The following RMDN1 variants were observed in gnomAD, a reference collection of about 807,000 sequenced individuals.
The protein encoded by RMDN1 is regulator of microtubule dynamics protein 1.
A neutral mutation model predicts 48.9 loss-of-function variants in RMDN1; 48 were observed. That is an observed-to-expected ratio of 0.98 (90% confidence interval 0.78 to 1.25). The LOEUF is 1.25. Ranked by LOEUF, RMDN1 falls within the 50% of genes most tolerant of loss-of-function variation. The pLI is 0.00. For synonymous variants in RMDN1, 148 were observed against 132.6 expected, an observed-to-expected ratio of 1.12 and a Z score of -0.80; for missense variants, 418 against 373.4, an observed-to-expected ratio of 1.12 and a Z score of -0.98.
In RMDN1 at chr8:86,508,661, G is replaced by T. The variant is rs1233205556; in HGVS notation, c.-41C>A. The stretch of plus-strand genomic sequence containing the variant: ...GGCTGACCCTGCACTACTTCAGGCA[G>T]CTACGGAGGCGGGCGGGGCTAAAGG... On this transcript the variant is annotated 5_prime_UTR_variant, in exon 1 of 10. In the 5' UTR this introduces an upstream ATG that the reference lacks. Transcript: ENST00000406452. 1 of 1,558,254 alleles carries T rather than the reference G, an allele frequency of 6.4e-7. No homozygotes were observed.
At chr8:86,484,537 G>C (rs1197873866) in intron 5 of RMDN1, among the ~76,000 whole-genome samples, 1 of 152,006 alleles carries the variant, frequency 6.6e-6, no homozygotes, top group East Asian at 1.9e-4. Flanking sequence ...GGCCAAAATG[G>C]TGAAACCACA....
At chr8:86,471,599 A>C (rs1220519305), downstream of RMDN1, among the ~76,000 whole-genome samples, 1 of 152,204 alleles carries the variant, frequency 6.6e-6, no homozygotes, top group Non-Finnish European at 1.5e-5. Flanking sequence ...CACATATCAG[A>C]TGTGAAGGCA....
intron 5 of RMDN1, among the ~76,000 whole-genome samples, chr8:86,483,702 A>T (rs1440058260): frequency 6.6e-6 from 1 of 152,200 alleles, no homozygotes; most frequent in Non-Finnish European, 1.5e-5. Flanking sequence ...AATTGACACT[A>T]AACCATAAAA....
chr8:86,475,519 TGAAAG>T (rs1305566303), intron 8 of RMDN1, among the ~76,000 whole-genome samples: 1 of 151,162 alleles, frequency 6.6e-6, no homozygotes, highest in Non-Finnish European at 1.5e-5. Flanking sequence ...AATATAAAAA[TGAAAG>T]GAATGCTTTA....
chr8:86,505,469 G>A, intron 2 of RMDN1: 1 of 414,960 alleles, frequency 2.4e-6, no homozygotes, highest in South Asian at 1.7e-5. Flanking sequence ...GTGGAAGGCA[G>A]ACGGGGTTTA....
intron 2 of RMDN1, among the ~76,000 whole-genome samples, chr8:86,501,426 A>C (rs1818196371): frequency 6.6e-6 from 1 of 152,164 alleles, no homozygotes; most frequent in Non-Finnish European, 1.5e-5. Context: ...TAATCTCAGC[A>C]CTTTGGGAGG....
chr8:86,494,832 G>C, intron 2 of RMDN1: 2 of 311,700 alleles, frequency 6.4e-6, no homozygotes, highest in Non-Finnish European at 6.3e-6. Flanking sequence ...AAATTACCTG[G>C]GCATCATGGC....
downstream of RMDN1, among the ~76,000 whole-genome samples, chr8:86,471,572 T>G (rs1812572329): frequency 6.6e-6 from 1 of 151,834 alleles, no homozygotes; most frequent in Non-Finnish European, 1.5e-5. Context: ...GGAAAAAAAT[T>G]CGGAGAAAAA....
intron 5 of RMDN1, chr8:86,481,710 G>A: frequency 1.8e-6 from 1 of 566,902 alleles, no homozygotes; most frequent in Non-Finnish European, 2.9e-6. Context: ...AATGGTCTCT[G>A]TCAGGCCAAG....
rs1395864488 is a variant in RMDN1 at position 86,508,566 on chromosome 8, G to C, written c.55C>G (p.Pro19Ala). 5 of 1,601,456 alleles carry C rather than the reference G, an allele frequency of 3.1e-6. No individual in the cohort carries two copies. In the Admixed American group the frequency reaches 8.5e-5, roughly 27 times the overall value. ...RLLPFRRGAAPGSRLPAGTSG... is the reference protein window; with the variant it reads ...RLLPFRRGAAAGSRLPAGTSG... ...GTCCCCGCAGGGAGACGAGACCCCG[G>C]GGCGGCTCCACGTCGGAAAGGCAGA... Residue 19 changes from proline to alanine, a missense_variant, in exon 1 of 10, where the codon CCG becomes GCG. Pro to Ala is a conservative substitution (Grantham distance 27). Coordinates refer to ENST00000406452, the MANE Select transcript of RMDN1 (RefSeq NM_016033.3).
downstream of RMDN1, among the ~76,000 whole-genome samples, chr8:86,471,650 A>G (rs1812581996): frequency 1.3e-5 from 2 of 152,344 alleles, no homozygotes; most frequent in African/African-American, 2.4e-5. Context: ...AACCAAATGT[A>G]AAATAAGGGA....
downstream of RMDN1, among the ~76,000 whole-genome samples, chr8:86,469,189 C>CG (rs1372106972): frequency 2.6e-5 from 4 of 151,368 alleles, no homozygotes; most frequent in South Asian, 2.1e-4. Flanking sequence ...TGTCCCGCCC[C>CG]CCCCATGTAC....
chr8:86,504,148 G>C, intron 2 of RMDN1: 1 of 1,337,030 alleles, frequency 7.5e-7, no homozygotes, highest in Non-Finnish European at 1.1e-6. Context: ...GGTATTATTG[G>C]GCTTTACCAT....
At chr8:86,477,244 C>T (rs1286978352) in intron 8 of RMDN1, 50 bp downstream of exon 8, 5 of 1,291,186 alleles carry the variant, frequency 3.9e-6, no homozygotes, top group Non-Finnish European at 5.4e-6. Context: ...ATATATTCAG[C>T]ATTCATACAA....
chr8:86,485,874 A>C (rs145920612), intron 4 of RMDN1, among the ~76,000 whole-genome samples: 2 of 152,346 alleles, frequency 1.3e-5, no homozygotes, highest in Non-Finnish European at 2.9e-5. Flanking sequence ...AGAAACAATT[A>C]ATGAAGCCTC....
intron 1 of RMDN1, 150 bp from the exon 2 acceptor site, chr8:86,507,262 A>G (rs898731128): frequency 1.7e-5 from 10 of 577,790 alleles, no homozygotes; most frequent in Admixed American, 1.1e-4. Flanking sequence ...AATCTTTAGT[A>G]AAACTATCTC....
At chr8:86,501,559 G>C (rs1818222651) in intron 2 of RMDN1, among the ~76,000 whole-genome samples, 1 of 151,984 alleles carries the variant, frequency 6.6e-6, no homozygotes, top group Admixed American at 6.6e-5. Context: ...TGTAGTCTCA[G>C]CTACTTGTGA....
rs540060576 is a variant in RMDN1, at chr8:86,481,664, T to C, written c.586-1332A>G. The C allele has an allele frequency of 5.3e-5, 20 of 378,810 alleles. No individual in the cohort carries two copies. In the South Asian group the frequency reaches 9.1e-4, roughly 17 times the overall value. 23.5% of individuals were successfully genotyped at this position (378,810 alleles called of 1,614,324 possible). On this transcript the variant is annotated intron_variant, in intron 5 of 9. Transcript: ENST00000406452. ...AGGAGAAGACCTAAGACCCAATGGA[T>C]GTAGGTTCCAAATTTGGATTCTTGC...
At chr8:86,476,762 C>T (rs1332000220) in intron 8 of RMDN1, among the ~76,000 whole-genome samples, 1 of 152,174 alleles carries the variant, frequency 6.6e-6, no homozygotes, top group African/African-American at 2.4e-5. Context: ...GTGGTGCAAT[C>T]ACAGCTCATT....
Sources: allele counts gnomAD v4.1 joint callset (sites outside exome capture counted in the v4.1 genomes callset), GRCh38; gene constraint gnomAD v4.1.1; transcripts MANE v1.5; gene names NCBI Gene and HGNC (gene_info 2026-07-23, HGNC 2026-07-21).